The following VAV1 variants were observed in gnomAD, a reference collection of about 807,000 sequenced individuals.
VAV1 encodes the protein vav guanine nucleotide exchange factor 1.
A neutral mutation model predicts 128.1 loss-of-function variants in VAV1; 33 were observed. That is an observed-to-expected ratio of 0.26 (90% CI 0.20 to 0.34). The LOEUF (loss-of-function observed/expected upper bound fraction) is 0.34, where lower values mean the gene tolerates loss of function less well. VAV1 is among the 10% of genes least tolerant of loss of function. The pLI is 1.00. For missense variants in VAV1, 715 were observed against 1,093.7 expected, an observed-to-expected ratio of 0.65 and a Z score of 4.88; for synonymous variants, 394 against 409.8, an observed-to-expected ratio of 0.96 and a Z score of 0.47.
chr19:6,789,105 G>A (rs115137270), intron 1 of VAV1, among the ~76,000 whole-genome samples: 256 of 152,318 alleles, frequency 1.7e-3, no homozygotes, highest in Middle Eastern at 6.8e-3. Context: ...TCGCCCTGGG[G>A]GCGGGCAAAC....
Position 6,848,699 on chromosome 19 carries a change from G to A in VAV1, c.2129+585G>A, listed in dbSNP as rs529504728. 6.6e-5 allele frequency among the ~76,000 whole-genome samples: 10 copies of A among 151,778 alleles called. No homozygotes were observed. In the East Asian group the frequency reaches 1.7e-3, roughly 26 times the overall value. ...ATTACAGGCGTGAGCCATCGTGCCT[G>A]GCCTGAAGGCTTTTATTTTTAACCA... is the stretch of plus-strand genomic sequence containing the variant. On this transcript the variant is annotated intron_variant, in intron 23 of 26. Coordinates refer to ENST00000602142, the MANE Select transcript of VAV1 (RefSeq NM_005428.4).
At position 6,854,123 on chromosome 19, in the gene VAV1, G is replaced by T. The variant is rs370227615; in HGVS notation, c.2484+25G>T. On this transcript the variant is annotated intron_variant, in intron 26 of 26. Transcript: ENST00000602142. Reference sequence around the variant, plus strand: ...GGTGAGGCAGGCAGGGCTGGGTGACGGGGAGGGCATGGGGGTTGAGCTGGT... The same window carrying T: ...GGTGAGGCAGGCAGGGCTGGGTGACTGGGAGGGCATGGGGGTTGAGCTGGT... The T allele has an allele frequency of 3.1e-6, 5 of 1,609,868 alleles. No homozygotes were observed. In the Admixed American group the frequency reaches 6.7e-5, roughly 21 times the overall value.
chr19:6,780,112 A>AAAT (rs55937714), intron 1 of VAV1, among the ~76,000 whole-genome samples: 40,173 of 127,108 alleles, frequency 0.32, 7,182 homozygotes, highest in Admixed American at 0.38. Flanking sequence ...CTCTGTCTTA[A>AAAT]AATAATAATA....
rs1568299279 is a variant in VAV1 at position 6,814,685 on chromosome 19, T to TC, written c.205-6017_205-6016insC. 2.1e-3 allele frequency among the ~76,000 whole-genome samples: 248 copies of TC among 116,906 alleles called. 10 individuals are homozygous for TC. The highest frequency in any genetic ancestry group is 9.4e-3 in the African/African-American group (233 of 24,878). The allele number at this position is 116,906 out of a possible 152,430, so 76.7% of individuals were successfully genotyped here. On this transcript the variant is annotated intron_variant, in intron 1 of 26. Transcript: ENST00000602142. Reference sequence around the variant, plus strand: ...CTTCCTTCCTTCCTTTCTTTCTTTCTTTCTTTCTTTCTTTCTTTCTTTCTT... The same window carrying TC: ...CTTCCTTCCTTCCTTTCTTTCTTTCTCTTCTTTCTTTCTTTCTTTCTTTCTT...
At chr19:6,795,690 T>C (rs1971117948) in intron 1 of VAV1, among the ~76,000 whole-genome samples, 1 of 152,058 alleles carries the variant, frequency 6.6e-6, no homozygotes, top group South Asian at 2.1e-4. Context: ...TTTGTTTGTT[T>C]GTTTGTTTTT....
At chr19:6,792,955 G>A (rs2144716494) in intron 1 of VAV1, among the ~76,000 whole-genome samples, 1 of 152,280 alleles carries the variant, frequency 6.6e-6, no homozygotes, top group East Asian at 1.9e-4. Context: ...CTCAGTGCTA[G>A]GCACATGGAC....
chr19:6,794,985 G>A (rs952716990), intron 1 of VAV1, among the ~76,000 whole-genome samples: 1 of 152,140 alleles, frequency 6.6e-6, no homozygotes, highest in African/African-American at 2.4e-5. Context: ...GAGCACTTAC[G>A]TGTGGTATCT....
chr19:6,839,241 A>C (rs947752033), intron 21 of VAV1, among the ~76,000 whole-genome samples: 12 of 145,724 alleles, frequency 8.2e-5, no homozygotes, highest in African/African-American at 3.1e-4. Context: ...TTTTTTAGAG[A>C]TAGGGTCTCA....
chr19:6,785,922 G>C (rs535983781), intron 1 of VAV1, among the ~76,000 whole-genome samples: 1 of 152,142 alleles, frequency 6.6e-6, no homozygotes, highest in African/African-American at 2.4e-5. Context: ...GCCTCCCAAA[G>C]TGCTGGGATT....
intron 21 of VAV1, among the ~76,000 whole-genome samples, chr19:6,841,157 C>G (rs892783120): frequency 6.6e-6 from 1 of 151,932 alleles, no homozygotes; most frequent in Non-Finnish European, 1.5e-5. Flanking sequence ...TCAAGAGACC[C>G]ACCCTCCTTG....
At chr19:6,853,770 A>G (rs924101993) in intron 25 of VAV1, among the ~76,000 whole-genome samples, 177 bp from the exon 26 acceptor site, 2 of 151,504 alleles carry the variant, frequency 1.3e-5, no homozygotes, top group African/African-American at 4.9e-5. Flanking sequence ...TTCAGACGGG[A>G]GGATGATGCT....
In VAV1 at chr19:6,779,915, T is replaced by G. The variant is rs559276908; in HGVS notation, c.204+6904T>G. Among the ~76,000 whole-genome samples the G allele has an allele frequency of 2.3e-4, 35 of 149,180 alleles. No individual in the cohort carries two copies. In the East Asian group the frequency reaches 6.6e-3, roughly 28 times the overall value. On this transcript the variant is annotated intron_variant, in intron 1 of 26. Coordinates refer to ENST00000602142, the MANE Select transcript of VAV1 (RefSeq NM_005428.4). ...TCACAAGGTCAGGAGATCGAGACCA[T>G]CCTGGCTAACACGGTGAAACCCCGT...
chr19:6,852,558 A>G (rs1158646096), intron 24 of VAV1, among the ~76,000 whole-genome samples: 2 of 151,984 alleles, frequency 1.3e-5, no homozygotes, highest in Admixed American at 6.6e-5. Flanking sequence ...CGTCTCTACT[A>G]AAAATATAAA....
chr19:6,831,568 T>A (rs1972056098), intron 14 of VAV1, among the ~76,000 whole-genome samples: 1 of 152,154 alleles, frequency 6.6e-6, no homozygotes. Context: ...CACCTCAGCC[T>A]CCCAAAATGC....
rs576965985 is a variant in VAV1 at position 6,822,078 on chromosome 19, A to G, written c.450-143A>G. ...CTTGGGGGACATGGCCCTGCCCTGGAGCTTGGAGGGACATGGCCTGCCCTT... is the reference window on the plus strand; with the variant it reads ...CTTGGGGGACATGGCCCTGCCCTGGGGCTTGGAGGGACATGGCCTGCCCTT... On this transcript the variant is annotated intron_variant, in intron 4 of 26. Transcript: ENST00000602142. This position sits in a 1 kb window ranked among gnomAD's most constrained non-coding sequence, Gnocchi z 5.9. The G allele has an allele frequency of 5.7e-5, 57 of 996,750 alleles. No individual in the cohort carries two copies. The East Asian group carries it at 1.3e-3, about 23-fold the overall frequency. The allele number at this position is 996,750 out of a possible 1,614,324, so 61.7% of individuals were successfully genotyped here. A position where few individuals can be genotyped will look rare whatever the true frequency, so the allele number is the denominator to read the frequency against.
chr19:6,833,660 G>T lies in VAV1; in HGVS notation c.1708+35G>T, dbSNP rs368911059. The stretch of plus-strand genomic sequence containing the variant: ...GGAGGGAGGCTGGGAGGTGAGCTTG[G>T]TTCTCTTTGGAGGATTTCCCGTTCT... On this transcript the variant is annotated intron_variant, in intron 17 of 26. Transcript: ENST00000602142. The T allele has an allele frequency of 4.3e-6, 7 of 1,613,984 alleles. No homozygotes were observed. The African/African-American group carries it at 8.0e-5, about 18-fold the overall frequency.
Position 6,796,442 on chromosome 19 carries a change from T to TC in VAV1, c.204+23436dup, listed in dbSNP as rs34893101. 4.6e-5 allele frequency among the ~76,000 whole-genome samples: 7 copies of TC among 151,656 alleles called. No individual in the cohort carries two copies. The East Asian group carries it at 1.4e-3, about 29-fold the overall frequency. On this transcript the variant is annotated intron_variant, in intron 1 of 26. Transcript: ENST00000602142. ...ACCCTTGGTTCACTCCCTTCCTCCC[T>TC]CCCCCTCGCTTACTCTGCTCCAGGC...
chr19:6,834,494 C>T (rs1972170203), intron 19 of VAV1, among the ~76,000 whole-genome samples: 1 of 151,240 alleles, frequency 6.6e-6, no homozygotes, highest in Non-Finnish European at 1.5e-5. Context: ...TCTGCCTGCT[C>T]AGCCTCCCAA....
At chr19:6,805,613 CAT>C (rs1568294949) in intron 1 of VAV1, among the ~76,000 whole-genome samples, 9 of 149,368 alleles carry the variant, frequency 6.0e-5, no homozygotes, top group African/African-American at 2.2e-4. Flanking sequence ...CACACACACA[CAT>C]ACACGCACAC....
Sources: gnomAD v4.1 joint callset for allele counts (sites outside exome capture counted in the v4.1 genomes callset) on GRCh38, gnomAD v4.1.1 for gene constraint, Gnocchi (gnomAD v3.1) non-coding constraint, MANE v1.5 for transcripts, NCBI Gene and HGNC (gene_info 2026-07-23, HGNC 2026-07-21) for gene names.